Variants in TBC1D24 observed in about 807,000 individuals in gnomAD.
TBC1D24 encodes TBC1 domain family member 24.
TBC1D24 carries 47 observed loss-of-function variants against 50.7 expected under a neutral mutation model. The observed-to-expected ratio is 0.93, with a 90% CI of 0.73 to 1.18. The LOEUF is 1.18. Ranked by LOEUF, TBC1D24 falls within the 50% of genes most tolerant of loss-of-function variation. The pLI, the probability that TBC1D24 is intolerant of heterozygous loss-of-function variation, is 0.00. For synonymous variants in TBC1D24, 324 were observed against 335.2 expected (o/e 0.97, Z 0.36); for missense variants, 688 against 766.5 (o/e 0.90, Z 1.21).
rs1042234374 is a variant in TBC1D24, at chr16:2,499,515, AG to A, written c.1206+97del. 6.9e-6 allele frequency: 8 copies of A among 1,165,482 alleles called. No individual in the cohort carries two copies. Among genetic ancestry groups the A allele is most frequent in the Non-Finnish European group, 1.3e-6 (1 of 794,896 alleles). The allele number at this position is 1,165,482 out of a possible 1,614,324, so 72.2% of individuals were successfully genotyped here. Reference sequence around the variant, plus strand: ...CTGGCTCTGATGGGCTTCAGGGCCTAGGCCTCCTGGGCCAGATCCAGAGTCA... The same window carrying A: ...CTGGCTCTGATGGGCTTCAGGGCCTAGCCTCCTGGGCCAGATCCAGAGTCA... On this transcript the variant is annotated intron_variant, in intron 5 of 7. Coordinates refer to ENST00000646147, the MANE Select transcript of TBC1D24 (RefSeq NM_001199107.2). The surrounding 1 kb of genome is among the most constrained non-coding windows in gnomAD (Gnocchi z 4.0).
chr16:2,488,769 T>G (rs2141861993), intron 1 of TBC1D24, among the ~76,000 whole-genome samples: 2 of 148,754 alleles, frequency 1.3e-5, no homozygotes, highest in South Asian at 4.2e-4. Context: ...TTTTTTTTTT[T>G]GAAATATTTG....
rs1050405504 is a variant in TBC1D24, at chr16:2,486,454, C to A, written c.-115-9580C>A. On this transcript the variant is annotated intron_variant, in intron 1 of 7. Coordinates refer to ENST00000646147, the MANE Select transcript of TBC1D24 (RefSeq NM_001199107.2). The surrounding 1 kb of genome is among the most constrained non-coding windows in gnomAD (Gnocchi z 5.8). ...TGAGGTCCAGCCACACAGAACCCCG[C>A]GTCCTTGATAGCTTGTCAGCTGCTG... is the stretch of plus-strand genomic sequence containing the variant. 6.6e-6 allele frequency among the ~76,000 whole-genome samples: 1 copy of A among 152,238 alleles called. No homozygotes were observed. Among genetic ancestry groups the A allele is most frequent in the Admixed American group, 6.5e-5 (1 of 15,290 alleles).
intron 1 of TBC1D24, chr16:2,479,341 C>T (rs1160445517): frequency 6.6e-6 from 1 of 152,232 alleles, no homozygotes; most frequent in Non-Finnish European, 1.5e-5. Flanking sequence ...GGACCTAGTT[C>T]ACCTGCAGTC....
rs1216795657 is a variant in TBC1D24, at chr16:2,504,479, C to CT, written c.*3521_*3522insT. ...TGTCGCCCAGGCTGGAGTGCAGTGG[C>CT]GCGATCTCGGCTCACCGCAAGCCCC... On this transcript the variant is annotated 3_prime_UTR_variant, in exon 8 of 8. Transcript: ENST00000646147. 2 of 138,546 alleles carry CT rather than the reference C, an allele frequency of 1.4e-5. No homozygotes were observed. Among genetic ancestry groups the CT allele is most frequent in the South Asian group, 4.5e-4 (2 of 4,488 alleles). The allele number at this position is 138,546 out of a possible 1,614,324, so 8.6% of individuals were successfully genotyped here. A position where few individuals can be genotyped will look rare whatever the true frequency, so the allele number is the denominator to read the frequency against.
chr16:2,498,128 G>A (rs966886921), intron 3 of TBC1D24, 110 bp from the exon 4 acceptor site: 8 of 1,424,040 alleles, frequency 5.6e-6, no homozygotes, highest in South Asian at 1.2e-5. Flanking sequence ...GCAAGCAGGC[G>A]AGAAGTTCCC....
At chr16:2,492,201 G>C (rs527607565) in intron 1 of TBC1D24, among the ~76,000 whole-genome samples, 14 of 152,092 alleles carry the variant, frequency 9.2e-5, no homozygotes, top group African/African-American at 3.4e-4. Flanking sequence ...CCCCAGAAAT[G>C]TCGTGCGCTC....
In TBC1D24 at chr16:2,500,332, C is replaced by A. The variant is rs200641000; in HGVS notation, c.1367C>A (p.Pro456Gln). The A allele has an allele frequency of 1.6e-5, 26 of 1,611,358 alleles. No homozygotes were observed. The highest frequency in any genetic ancestry group is 1.9e-5 in the Non-Finnish European group (22 of 1,179,362). ...VIKHPELTKP[P>Q]PLMAAEPTAP... Reference sequence around the variant, plus strand: ...AAGCACCCCGAGCTGACCAAGCCCCCACCCTTGATGGCTGCCGAGCCCACC... The same window carrying A: ...AAGCACCCCGAGCTGACCAAGCCCCAACCCTTGATGGCTGCCGAGCCCACC... The change falls in exon 7 of 8, where the codon CCA (proline) becomes CAA (glutamine). Residue 456 changes from proline to glutamine, a missense_variant. Coordinates refer to ENST00000646147, the MANE Select transcript of TBC1D24 (RefSeq NM_001199107.2). This position sits in a 1 kb window ranked among gnomAD's most constrained non-coding sequence, Gnocchi z 8.0.
rs187212053 is a variant in TBC1D24, at chr16:2,487,937, A to C, written c.-115-8097A>C. 3.1e-4 allele frequency among the ~76,000 whole-genome samples: 47 copies of C among 152,248 alleles called. No homozygotes were observed. The highest frequency in any genetic ancestry group is 1.1e-3 in the African/African-American group (46 of 41,560). ...AGATGGAGCAGCAACAGCAGCCAGC[A>C]GCTGTGGGGTTGTGTTCCGCCCCGA... On this transcript the variant is annotated intron_variant, in intron 1 of 7. Transcript: ENST00000646147. This position sits in a 1 kb window ranked among gnomAD's most constrained non-coding sequence, Gnocchi z 4.1.
chr16:2,475,596 C>A lies in TBC1D24; in HGVS notation c.-116+426C>A, dbSNP rs900836931. 3.3e-5 allele frequency among the ~76,000 whole-genome samples: 5 copies of A among 151,930 alleles called. No homozygotes were observed. The highest frequency in any genetic ancestry group is 9.7e-5 in the African/African-American group (4 of 41,248). ...TACGCCCTGCCCTGTGGACCTGCAGCGGCCCCGGGCCCCGCCCCGCCCCGC... is the reference window on the plus strand; with the variant it reads ...TACGCCCTGCCCTGTGGACCTGCAGAGGCCCCGGGCCCCGCCCCGCCCCGC... On this transcript the variant is annotated intron_variant, in intron 1 of 7. Transcript: ENST00000646147. The surrounding 1 kb of genome is among the most constrained non-coding windows in gnomAD (Gnocchi z 4.2).
At chr16:2,495,196 G>A (rs573053189) in intron 1 of TBC1D24, among the ~76,000 whole-genome samples, 2 of 152,162 alleles carry the variant, frequency 1.3e-5, no homozygotes, top group African/African-American at 4.8e-5. Context: ...CTACTAAAAA[G>A]AGAAAAAATT....
chr16:2,481,569 T>C (rs2065610635), intron 1 of TBC1D24: 1 of 152,240 alleles, frequency 6.6e-6, no homozygotes. Flanking sequence ...TGAGCTCTCT[T>C]CCTCTGGTTC....
At chr16:2,477,165 C>G (rs560342276) in intron 1 of TBC1D24, 1 of 152,356 alleles carries the variant, frequency 6.6e-6, no homozygotes, top group East Asian at 1.9e-4. Context: ...ATTTCAGTGG[C>G]TGTTTCAAAC....
Position 2,500,362 on chromosome 16 carries a change from C to G in TBC1D24, c.1397C>G (p.Pro466Arg), listed in dbSNP as rs1286479383. Residue 466 changes from proline to arginine, a missense_variant, in exon 7 of 8, where the codon CCA (proline) becomes CGA (arginine). By Grantham distance (103) the Pro-to-Arg change is moderately radical. Coordinates refer to ENST00000646147, the MANE Select transcript of TBC1D24 (RefSeq NM_001199107.2). This position sits in a 1 kb window ranked among gnomAD's most constrained non-coding sequence, Gnocchi z 8.0. ...PPLMAAEPTA[P>R]LSHSASSDPA... The stretch of plus-strand genomic sequence containing the variant: ...TTGATGGCTGCCGAGCCCACCGCCC[C>G]ACTCAGCCACTCCGCCTCCTCAGAC... The G allele has an allele frequency of 6.2e-7, 1 of 1,608,918 alleles. No individual in the cohort carries two copies. The highest frequency in any genetic ancestry group is 8.5e-7 in the Non-Finnish European group (1 of 1,178,372).
At position 2,503,445 on chromosome 16, in the gene TBC1D24, A is replaced by G. The variant is rs2065810070; in HGVS notation, c.*2487A>G. 6.6e-6 allele frequency: 1 copy of G among 152,014 alleles called. No individual in the cohort carries two copies. The highest frequency in any genetic ancestry group is 2.1e-4 in the South Asian group (1 of 4,836). The allele number at this position is 152,014 out of a possible 1,614,324, so 9.4% of individuals were successfully genotyped here. A position where few individuals can be genotyped will look rare whatever the true frequency, so the allele number is the denominator to read the frequency against. ...TAGCTTTGGATGTTAAAAATTAGCC[A>G]AAAGTGGCTGCTCTGCCTATGAAGT... is the stretch of plus-strand genomic sequence containing the variant. On this transcript the variant is annotated 3_prime_UTR_variant, in exon 8 of 8. Transcript: ENST00000646147.
Position 2,496,716 on chromosome 16 carries a change from T to C in TBC1D24, c.568T>C (p.Tyr190His). ...CMTFGDLVNK[Y>H]CQAAHKLMVA... Reference sequence around the variant, plus strand: ...GACGTTTGGGGACCTGGTGAACAAGTACTGCCAGGCGGCCCACAAGCTGAT... The same window carrying C: ...GACGTTTGGGGACCTGGTGAACAAGCACTGCCAGGCGGCCCACAAGCTGAT... The change falls in exon 2 of 8, where the codon TAC becomes CAC. Residue 190 changes from tyrosine to histidine, a missense_variant. By Grantham distance (83) the Tyr-to-His change is moderately conservative (BLOSUM62 2). Transcript: ENST00000646147. 1 of 1,613,754 alleles carries C rather than the reference T, an allele frequency of 6.2e-7. No homozygotes were observed. Among genetic ancestry groups the C allele is most frequent in the Non-Finnish European group, 8.5e-7 (1 of 1,180,036 alleles).
Position 2,500,122 on chromosome 16 carries a change from G to A in TBC1D24, c.1303-146G>A, listed in dbSNP as rs2065778797. On this transcript the variant is annotated intron_variant, in intron 6 of 7. Transcript: ENST00000646147. This position sits in a 1 kb window ranked among gnomAD's most constrained non-coding sequence, Gnocchi z 8.0. Reference sequence around the variant, plus strand: ...CCGGGGCAGGGGGCTTCATCTGCTCGAGCCACCAGCTCCCCAGCCCCTGGC... The same window carrying A: ...CCGGGGCAGGGGGCTTCATCTGCTCAAGCCACCAGCTCCCCAGCCCCTGGC... 5 of 962,666 alleles carry A rather than the reference G, an allele frequency of 5.2e-6. No individual in the cohort carries two copies. The highest frequency in any genetic ancestry group is 2.6e-5 in the East Asian group (1 of 37,992). The allele number at this position is 962,666 out of a possible 1,614,324, so 59.6% of individuals were successfully genotyped here.
Position 2,498,353 on chromosome 16 carries a change from C to A in TBC1D24, c.1099C>A (p.Leu367Ile). Reference protein sequence around the residue: ...VPERFALCQPLLLFSSLQHGY... With the variant: ...VPERFALCQPILLFSSLQHGY... ...CGAGCGCTTTGCCCTGTGCCAGCCCCTTCTGCTGTTCTCCTCCCTGCAGCA... is the reference window on the plus strand; with the variant it reads ...CGAGCGCTTTGCCCTGTGCCAGCCCATTCTGCTGTTCTCCTCCCTGCAGCA... The change falls in exon 4 of 8, where the codon CTT becomes ATT. Residue 367 changes from leucine to isoleucine, a missense_variant. Coordinates refer to ENST00000646147, the MANE Select transcript of TBC1D24 (RefSeq NM_001199107.2). 6.2e-7 allele frequency: 1 copy of A among 1,609,960 alleles called. No homozygotes were observed. Among genetic ancestry groups the A allele is most frequent in the Admixed American group, 1.7e-5 (1 of 59,564 alleles).
chr16:2,480,675 A>G (rs982731996), intron 1 of TBC1D24: 2 of 151,884 alleles, frequency 1.3e-5, no homozygotes, highest in Non-Finnish European at 2.9e-5. Flanking sequence ...TCCTTGAATC[A>G]TTTCCACCCC....
In TBC1D24 at chr16:2,487,825, G is replaced by A. The variant is rs894390393; in HGVS notation, c.-115-8209G>A. ...GGTACTAGAAGTGGCCGAGTGCCCTGAAGTCCCAGACCTGCGTGGGTCCTG... is the reference window on the plus strand; with the variant it reads ...GGTACTAGAAGTGGCCGAGTGCCCTAAAGTCCCAGACCTGCGTGGGTCCTG... On this transcript the variant is annotated intron_variant, in intron 1 of 7. Transcript: ENST00000646147. The surrounding 1 kb of genome is among the most constrained non-coding windows in gnomAD (Gnocchi z 4.1). Among the ~76,000 whole-genome samples, 1 of 152,130 alleles carries A rather than the reference G, an allele frequency of 6.6e-6. No homozygotes were observed. Among genetic ancestry groups the A allele is most frequent in the African/African-American group, 2.4e-5 (1 of 41,412 alleles).
Sources: gnomAD v4.1 joint callset for allele counts (sites outside exome capture counted in the v4.1 genomes callset) on GRCh38, gnomAD v4.1.1 for gene constraint, Gnocchi (gnomAD v3.1) non-coding constraint, MANE v1.5 for transcripts, NCBI Gene and HGNC (gene_info 2026-07-23, HGNC 2026-07-21) for gene names.